RORA: variants seen among roughly 807,000 people sequenced by gnomAD.
RORA encodes RAR related orphan receptor A.
Under a neutral mutation model 69.5 loss-of-function variants are expected in RORA, and 7 were observed. The ratio of observed to expected loss-of-function variants is 0.10; its 90% CI spans 0.06 to 0.19. The LOEUF (loss-of-function observed/expected upper bound fraction) is 0.19, where lower values mean the gene tolerates loss of function less well. Among genes scored for constraint, RORA ranks in the 10% least tolerant of loss-of-function variants. RORA has a pLI of 1.00. For synonymous variants in RORA, 261 were observed against 240.8 expected (o/e 1.08, Z -0.78); for missense variants, 457 against 663.0 (o/e 0.69, Z 3.41).
chr15:60,952,167 T>A (rs1367307896), intron 1 of RORA, among the ~76,000 whole-genome samples: 1 of 150,998 alleles, frequency 6.6e-6, no homozygotes, highest in Admixed American at 6.6e-5. Flanking sequence ...ATCCAGCATA[T>A]AAACAGAGCC....
At chr15:60,684,604 G>A (rs556573467) in intron 1 of RORA, among the ~76,000 whole-genome samples, 15 of 152,288 alleles carry the variant, frequency 9.8e-5, no homozygotes, top group African/African-American at 3.4e-4. Flanking sequence ...GCGACAGTGC[G>A]AGACTCCATC....
At chr15:61,071,800 A>C (rs567422411) in intron 1 of RORA, among the ~76,000 whole-genome samples, 2 of 152,148 alleles carry the variant, frequency 1.3e-5, no homozygotes, top group South Asian at 4.1e-4. Flanking sequence ...TTTTAGATGT[A>C]AAGACAAAGT....
intron 1 of RORA, among the ~76,000 whole-genome samples, chr15:61,063,362 A>G (rs1463538243): frequency 2.6e-5 from 4 of 152,258 alleles, no homozygotes; most frequent in African/African-American, 9.6e-5. Context: ...ACGTGCTGGA[A>G]TATAAAAATG....
chr15:60,600,235 C>T (rs995801260), intron 2 of RORA, among the ~76,000 whole-genome samples: 1 of 152,112 alleles, frequency 6.6e-6, no homozygotes, highest in Non-Finnish European at 1.5e-5. Flanking sequence ...TGCAGAGTAA[C>T]GTGGGCTTCA....
chr15:60,827,135 C>G (rs1199691897), intron 1 of RORA, among the ~76,000 whole-genome samples: 1 of 152,216 alleles, frequency 6.6e-6, no homozygotes, highest in Admixed American at 6.5e-5. Context: ...CCCAATGTTT[C>G]TATTACTGAC....
At chr15:60,796,322 G>A (rs2072495415) in intron 1 of RORA, among the ~76,000 whole-genome samples, 1 of 152,190 alleles carries the variant, frequency 6.6e-6, no homozygotes, top group Admixed American at 6.5e-5. Context: ...ACATGGAGAA[G>A]CCTGATTCTA....
At position 60,888,616 on chromosome 15, in the gene RORA, G is replaced by A. The variant is rs564161319; in HGVS notation, c.167-209930C>T. 3.8e-4 allele frequency among the ~76,000 whole-genome samples: 58 copies of A among 152,242 alleles called. No individual in the cohort carries two copies. The East Asian group carries it at 5.4e-3, about 14-fold the overall frequency. On this transcript the variant is annotated intron_variant, in intron 1 of 10. Coordinates refer to ENST00000335670, the MANE Select transcript of RORA (RefSeq NM_134261.3). ...CAAGGTAACAGCAGCCGTCTGGCCC[G>A]CCCTACACATGGCATTTCTGGGCAC...
intron 1 of RORA, among the ~76,000 whole-genome samples, chr15:61,127,576 C>T (rs1052380542): frequency 7.2e-5 from 11 of 152,158 alleles, no homozygotes; most frequent in African/African-American, 2.2e-4. Context: ...GATGCACAAA[C>T]GAAATGAATG....
intron 1 of RORA, among the ~76,000 whole-genome samples, chr15:61,059,955 AGAAGAAGAG>A (rs1365222175): frequency 3.1e-4 from 43 of 137,574 alleles, no homozygotes; most frequent in East Asian, 8.4e-4. Flanking sequence ...AAGAAGAAGA[AGAAGAAGAG>A]GAAGAGGAAG....
chr15:60,521,015 A>G (rs1014445211), intron 3 of RORA, among the ~76,000 whole-genome samples: 1 of 152,114 alleles, frequency 6.6e-6, no homozygotes, highest in African/African-American at 2.4e-5. Context: ...ATTAGAATAA[A>G]ACAAACAGGC....
At chr15:60,856,079 T>A (rs1673319) in intron 1 of RORA, among the ~76,000 whole-genome samples, 132,863 of 152,138 alleles carry the variant, frequency 0.87, 58,705 homozygotes, top group East Asian at 0.99. Context: ...AACCCACTCA[T>A]GTTAAATATG....
At chr15:61,185,624 T>C (rs1260774748) in intron 1 of RORA, among the ~76,000 whole-genome samples, 1 of 152,214 alleles carries the variant, frequency 6.6e-6, no homozygotes, top group African/African-American at 2.4e-5. Context: ...GCTCCCACAT[T>C]CAAGTGAAAA....
At chr15:60,716,527 T>C (rs542725391) in intron 1 of RORA, among the ~76,000 whole-genome samples, 23 of 152,302 alleles carry the variant, frequency 1.5e-4, no homozygotes, top group African/African-American at 3.6e-4. Flanking sequence ...TGTGATCATA[T>C]ATATTGGTTT....
intron 1 of RORA, among the ~76,000 whole-genome samples, chr15:60,943,075 C>T (rs1370033009): frequency 6.6e-6 from 1 of 152,236 alleles, no homozygotes. Context: ...GTCAGGGTAC[C>T]TGTATCCATC....
intron 2 of RORA, among the ~76,000 whole-genome samples, chr15:60,646,146 G>A (rs1435496874): frequency 6.6e-6 from 1 of 152,154 alleles, no homozygotes; most frequent in Non-Finnish European, 1.5e-5. Flanking sequence ...CAAGCTTATT[G>A]TTTCATAGTT....
intron 1 of RORA, among the ~76,000 whole-genome samples, chr15:61,075,062 G>A (rs2078428291): frequency 6.6e-6 from 1 of 151,650 alleles, no homozygotes; most frequent in African/African-American, 2.4e-5. Flanking sequence ...ACTCCAGCCT[G>A]GGTGACAGAG....
intron 2 of RORA, among the ~76,000 whole-genome samples, chr15:60,601,461 A>C (rs1330797306): frequency 6.6e-6 from 1 of 152,208 alleles, no homozygotes; most frequent in Non-Finnish European, 1.5e-5. Context: ...AACAACTCTA[A>C]ATGTTGTTAA....
At chr15:61,216,627 G>A (rs2080043205) in intron 1 of RORA, among the ~76,000 whole-genome samples, 1 of 152,144 alleles carries the variant, frequency 6.6e-6, no homozygotes, top group African/African-American at 2.4e-5. Context: ...CAGCCTCAGT[G>A]CCTGGATGGG....
At chr15:61,175,847 C>A (rs929162540) in intron 1 of RORA, among the ~76,000 whole-genome samples, 1 of 152,126 alleles carries the variant, frequency 6.6e-6, no homozygotes, top group Admixed American at 6.5e-5. Flanking sequence ...GGCTTGTCTT[C>A]TTTCCTTAAG....
Sources: gnomAD v4.1 joint callset for allele counts (sites outside exome capture counted in the v4.1 genomes callset) on GRCh38, gnomAD v4.1.1 for gene constraint, MANE v1.5 for transcripts, NCBI Gene and HGNC (gene_info 2026-07-23, HGNC 2026-07-21) for gene names.